The following CNOT8 variants were observed in gnomAD, a reference collection of about 807,000 sequenced individuals.
CNOT8 encodes the protein CAF1-like protein.
A neutral mutation model predicts 34.6 loss-of-function variants in CNOT8; 18 were observed. That is an observed-to-expected ratio of 0.52 (90% CI 0.36 to 0.77). The LOEUF (loss-of-function observed/expected upper bound fraction) is 0.77. CNOT8 is among the 30% of genes least tolerant of loss of function. The pLI, the probability that CNOT8 is intolerant of heterozygous loss-of-function variation, is 0.00. For synonymous variants in CNOT8, 101 were observed against 118.8 expected (o/e 0.85, Z 0.98); for missense variants, 189 against 347.9 (o/e 0.54, Z 3.63).
Position 154,858,746 on chromosome 5 carries a change from C to G in CNOT8, c.-95C>G, listed in dbSNP as rs1173612333. ...CAGCTCGTCAGCCCGCCAGCCAGCG[C>G]TTCGCGGGCCCTGTCGGTCCCGGTA... On this transcript the variant is annotated 5_prime_UTR_variant, in exon 1 of 7. Coordinates refer to ENST00000285896, the MANE Select transcript of CNOT8 (RefSeq NM_001301073.2). 6.6e-6 allele frequency: 1 copy of G among 152,084 alleles called. No homozygotes were observed. Among genetic ancestry groups the G allele is most frequent in the Non-Finnish European group, 1.5e-5 (1 of 68,104 alleles). 9.4% of individuals were successfully genotyped at this position (152,084 alleles called of 1,614,324 possible).
chr5:154,873,556 T>A (rs1402913096), intron 6 of CNOT8, among the ~76,000 whole-genome samples: 2 of 152,232 alleles, frequency 1.3e-5, no homozygotes, highest in Non-Finnish European at 2.9e-5. Context: ...TTTTAGTTTC[T>A]TTACTCACTG....
intron 6 of CNOT8, among the ~76,000 whole-genome samples, chr5:154,873,929 C>T (rs538567554): frequency 6.6e-6 from 1 of 152,176 alleles, no homozygotes; most frequent in African/African-American, 2.4e-5. Context: ...CTGTGATACA[C>T]TGGACAAGTT....
intron 1 of CNOT8, chr5:154,859,152 C>A (rs184683702): frequency 2.9e-4 from 44 of 152,288 alleles, no homozygotes; most frequent in African/African-American, 9.9e-4. Context: ...AGTCCTAAGG[C>A]CCGTAATTTT....
chr5:154,862,459 G>GT (rs1485022525), intron 1 of CNOT8, among the ~76,000 whole-genome samples: 1 of 151,660 alleles, frequency 6.6e-6, no homozygotes. Flanking sequence ...GACAGAGCAA[G>GT]ACTCCATCTC....
At chr5:154,875,170 G>T in intron 6 of CNOT8, 120 bp from the exon 7 acceptor site, 1 of 1,106,282 alleles carries the variant, frequency 9.0e-7, no homozygotes, top group East Asian at 2.4e-5. Context: ...GCCCGCCTCA[G>T]CCTCACAAAG....
chr5:154,871,628 C>T, intron 4 of CNOT8, 102 bp from the exon 5 acceptor site: 1 of 967,500 alleles, frequency 1.0e-6, no homozygotes, highest in African/African-American at 1.7e-5. Flanking sequence ...GTGAAAGTTC[C>T]TAACATGAAG....
At chr5:154,862,241 G>A (rs1761416669) in intron 1 of CNOT8, among the ~76,000 whole-genome samples, 1 of 149,896 alleles carries the variant, frequency 6.7e-6, no homozygotes, top group Non-Finnish European at 1.5e-5. Flanking sequence ...AGTAAATACT[G>A]GCCGGTGGAT....
Position 154,875,454 on chromosome 5 carries a change from G to GC in CNOT8, c.*16dup. The GC allele has an allele frequency of 6.2e-7, 1 of 1,612,256 alleles. No individual in the cohort carries two copies. The highest frequency in any genetic ancestry group is 8.5e-7 in the Non-Finnish European group (1 of 1,179,776). On this transcript the variant is annotated 3_prime_UTR_variant, in exon 7 of 7. Transcript: ENST00000285896. ...TGCAGCAGTGATGGCGCCAGGCTCT[G>GC]CAGGGTGGGCCTGATCCCAGAGTGG... is the stretch of plus-strand genomic sequence containing the variant.
rs773025000 is a variant in CNOT8 at position 154,863,362 on chromosome 5, A to G, written c.84A>G (p.Arg28=). The change falls in exon 2 of 7, where the codon CGA becomes CGG. Residue 28 remains arginine (R), a synonymous_variant. Transcript: ENST00000285896. ...SNLEEEMRKI[R]EIVLSYSYIA... ...TAGAAGAAGAGATGAGGAAGATCCG[A>G]GAAATCGTGCTCAGTTACAGTTATA... The G allele has an allele frequency of 6.2e-7, 1 of 1,613,892 alleles. No homozygotes were observed. Among genetic ancestry groups the G allele is most frequent in the South Asian group, 1.1e-5 (1 of 91,080 alleles).
Position 154,871,979 on chromosome 5 carries a change from C to T in CNOT8, c.618+105C>T, listed in dbSNP as rs543686304. The stretch of plus-strand genomic sequence containing the variant: ...AGCATGCATTTTTGAGTACTAGATG[C>T]TAGTGTGGTGGTAGACAGGGTATAA... On this transcript the variant is annotated intron_variant, in intron 5 of 6. Transcript: ENST00000285896. 9.8e-6 allele frequency: 9 copies of T among 914,928 alleles called. No homozygotes were observed. In the East Asian group the frequency reaches 2.1e-4, roughly 21 times the overall value. 56.7% of individuals were successfully genotyped at this position (914,928 alleles called of 1,614,324 possible). A position where few individuals can be genotyped will look rare whatever the true frequency, so the allele number is the denominator to read the frequency against.
intron 1 of CNOT8, among the ~76,000 whole-genome samples, 200 bp from the exon 2 acceptor site, chr5:154,863,003 CAAGA>C (rs1377730823): frequency 6.6e-6 from 1 of 152,032 alleles, no homozygotes; most frequent in Non-Finnish European, 1.5e-5. Context: ...TCAGTTTCTT[CAAGA>C]AAGAACTGTG....
At position 154,875,571 on chromosome 5, in the gene CNOT8, CT is replaced by C; in HGVS notation, c.*136del. Reference sequence around the variant, plus strand: ...CTACCATCTGCATTGAGCAGAAAGACTTTTGTTTTACTGAAGACAAAAGATG... The same window carrying C: ...CTACCATCTGCATTGAGCAGAAAGACTTTGTTTTACTGAAGACAAAAGATG... On this transcript the variant is annotated 3_prime_UTR_variant, in exon 7 of 7. Transcript: ENST00000285896. 2 of 987,688 alleles carry C rather than the reference CT, an allele frequency of 2.0e-6. No homozygotes were observed. Among genetic ancestry groups the C allele is most frequent in the Non-Finnish European group, 2.9e-6 (2 of 699,416 alleles). 61.2% of individuals were successfully genotyped at this position (987,688 alleles called of 1,614,324 possible). A position where few individuals can be genotyped will look rare whatever the true frequency, so the allele number is the denominator to read the frequency against.
chr5:154,875,510 C>T lies in CNOT8; in HGVS notation c.*71C>T, dbSNP rs1308830147. The T allele has an allele frequency of 6.5e-7, 1 of 1,539,094 alleles. No individual in the cohort carries two copies. The highest frequency in any genetic ancestry group is 8.8e-7 in the Non-Finnish European group (1 of 1,136,508). On this transcript the variant is annotated 3_prime_UTR_variant, in exon 7 of 7. Coordinates refer to ENST00000285896, the MANE Select transcript of CNOT8 (RefSeq NM_001301073.2). ...ACTGTGCTGACTGTGTACTTATCTT[C>T]CCCAAGAGAAAATGCTTCTTTTGAG...
At chr5:154,860,875 A>C (rs575680140) in intron 1 of CNOT8, among the ~76,000 whole-genome samples, 12 of 152,066 alleles carry the variant, frequency 7.9e-5, no homozygotes, top group Non-Finnish European at 1.0e-4. Context: ...TTTAAAAACC[A>C]ATTCTCTTTT....
At chr5:154,872,678 G>A in intron 6 of CNOT8, 27 bp downstream of exon 6, 1 of 1,454,522 alleles carries the variant, frequency 6.9e-7, no homozygotes, top group South Asian at 1.2e-5. Context: ...GTGATCACAG[G>A]CCTCTCGGCA....
chr5:154,870,689 G>C lies in CNOT8; in HGVS notation c.340G>C (p.Asp114His). ...TEDMYSQDSIDLLANSGLQFQ... is the reference protein window; with the variant it reads ...TEDMYSQDSIHLLANSGLQFQ... ...GGACATGTACTCCCAGGATTCCATA[G>C]ATCTCCTTGCTAACTCAGGACTACA... The change falls in exon 4 of 7, where the codon GAT becomes CAT. Residue 114 changes from aspartate to histidine, a missense_variant. Physicochemically the swap from Asp to His is moderately conservative, Grantham distance 81 (BLOSUM62 -1). Coordinates refer to ENST00000285896, the MANE Select transcript of CNOT8 (RefSeq NM_001301073.2). The C allele has an allele frequency of 1.2e-6, 2 of 1,613,918 alleles. No individual in the cohort carries two copies. Among genetic ancestry groups the C allele is most frequent in the Non-Finnish European group, 1.7e-6 (2 of 1,179,900 alleles).
rs1762510597 is a variant in CNOT8 at position 154,871,878 on chromosome 5, T to C, written c.618+4T>C. 1 of 1,607,302 alleles carries C rather than the reference T, an allele frequency of 6.2e-7. No individual in the cohort carries two copies. Among genetic ancestry groups the C allele is most frequent in the African/African-American group, 1.3e-5 (1 of 74,602 alleles). On this transcript the variant is annotated splice_donor_region_variant and intron_variant, in intron 5 of 6. Transcript: ENST00000285896. ...GAAGAGCTGCAAAAATCTTAAGGTA[T>C]ATGATGTTTTTCTTAATACCAGTAA...
chr5:154,870,621 C>A, intron 3 of CNOT8, 40 bp from the exon 4 acceptor site: 2 of 1,537,454 alleles, frequency 1.3e-6, no homozygotes, highest in Admixed American at 1.8e-5. Flanking sequence ...ACTTCTGTTT[C>A]ATTATTCACC....
At chr5:154,863,528 C>T (rs1006297140) in intron 2 of CNOT8, 133 bp downstream of exon 2, 4 of 704,732 alleles carry the variant, frequency 5.7e-6, no homozygotes, top group Non-Finnish European at 1.0e-5. Context: ...CTCCTGGGCT[C>T]AAGCAGTCCT....
Sources: gnomAD v4.1 joint callset for allele counts (sites outside exome capture counted in the v4.1 genomes callset) on GRCh38, gnomAD v4.1.1 for gene constraint, MANE v1.5 for transcripts, NCBI Gene and HGNC (gene_info 2026-07-23, HGNC 2026-07-21) for gene names.